FNDC3A: variants seen among roughly 807,000 people sequenced by gnomAD.
FNDC3A encodes the protein fibronectin type-III domain-containing protein 3A.
FNDC3A carries 32 observed loss-of-function variants against 148.9 expected under a neutral mutation model. The ratio of observed to expected loss-of-function variants is 0.21; its 90% confidence interval spans 0.16 to 0.29. FNDC3A has a LOEUF of 0.29. Ranked by LOEUF, FNDC3A falls within the 10% of genes least tolerant of loss-of-function variation. FNDC3A has a pLI of 1.00. For missense variants in FNDC3A, 1,191 were observed against 1,452.8 expected (o/e 0.82, Z 2.93); for synonymous variants, 472 against 473.6 (o/e 1.00, Z 0.04).
At position 49,141,164 on chromosome 13, in the gene FNDC3A, G is replaced by T. The variant is rs1368847837; in HGVS notation, c.819+2359G>T. On this transcript the variant is annotated intron_variant, in intron 7 of 25. Coordinates refer to ENST00000492622, the MANE Select transcript of FNDC3A (RefSeq NM_001079673.2). ...ACCCATGACAAGTCACTTGACCTTTGTGAATGTTTCTTCTTTCAGAAAATG... is the reference window on the plus strand; with the variant it reads ...ACCCATGACAAGTCACTTGACCTTTTTGAATGTTTCTTCTTTCAGAAAATG... Among the ~76,000 whole-genome samples the T allele has an allele frequency of 2.0e-5, 3 of 152,296 alleles. No individual in the cohort carries two copies. In the South Asian group the frequency reaches 6.2e-4, roughly 32 times the overall value.
intron 2 of FNDC3A, among the ~76,000 whole-genome samples, chr13:49,030,982 A>C (rs144291033): frequency 6.6e-6 from 1 of 152,200 alleles, no homozygotes; most frequent in African/African-American, 2.4e-5. Context: ...ACTTCTTTGT[A>C]GCTATTAACA....
intron 17 of FNDC3A, among the ~76,000 whole-genome samples, chr13:49,190,461 C>G (rs931142168): frequency 6.6e-6 from 1 of 152,136 alleles, no homozygotes; most frequent in African/African-American, 2.4e-5. Flanking sequence ...AGGCTGTAAT[C>G]ATACCTGTGA....
chr13:49,197,947 G>T (rs771087120), intron 21 of FNDC3A, 35 bp from the exon 22 acceptor site: 1 of 1,598,394 alleles, frequency 6.3e-7, no homozygotes, highest in South Asian at 1.1e-5. Flanking sequence ...TCATGGTCAT[G>T]ACTTTGTTAA....
intron 2 of FNDC3A, among the ~76,000 whole-genome samples, chr13:49,052,641 G>A (rs1469422612): frequency 1.3e-5 from 2 of 152,182 alleles, no homozygotes; most frequent in Admixed American, 6.5e-5. Flanking sequence ...TGCTGGTTTT[G>A]TGTTGGTTGG....
intron 3 of FNDC3A, among the ~76,000 whole-genome samples, chr13:49,113,644 C>A (rs1224831694): frequency 6.6e-6 from 1 of 152,096 alleles, no homozygotes; most frequent in African/African-American, 2.4e-5. Context: ...AGATCCTTCC[C>A]CCTTTACATT....
chr13:48,987,543 C>G (rs1951828487), intron 1 of FNDC3A, among the ~76,000 whole-genome samples: 1 of 152,150 alleles, frequency 6.6e-6, no homozygotes, highest in Non-Finnish European at 1.5e-5. Flanking sequence ...AGGATGGTGG[C>G]TTGAATGCCC....
chr13:49,205,518 AAAGGAAATGCTCATTGGAGCATTT>A (rs2138146399), intron 25 of FNDC3A, among the ~76,000 whole-genome samples: 1 of 152,318 alleles, frequency 6.6e-6, no homozygotes, highest in South Asian at 2.1e-4. Context: ...TATGACACTC[AAAGGAAATGCTCATTGGAGCATTT>A]CCAATTTCAG....
chr13:49,010,855 C>G (rs537619636), intron 2 of FNDC3A, among the ~76,000 whole-genome samples: 1 of 152,320 alleles, frequency 6.6e-6, no homozygotes, highest in South Asian at 2.1e-4. Flanking sequence ...TACAACAATA[C>G]TGTAGTTTTG....
chr13:48,997,971 A>G (rs191735737), intron 1 of FNDC3A, among the ~76,000 whole-genome samples: 36 of 152,110 alleles, frequency 2.4e-4, no homozygotes, highest in African/African-American at 6.5e-4. Flanking sequence ...GCTCACAGAG[A>G]AAAAAGGAGA....
chr13:49,152,191 C>T (rs765880232), intron 8 of FNDC3A, among the ~76,000 whole-genome samples: 6 of 152,180 alleles, frequency 3.9e-5, no homozygotes, highest in Non-Finnish European at 7.4e-5. Flanking sequence ...ACACTACCAC[C>T]AACAGTGTAA....
chr13:49,113,570 CCTTT>C (rs1459603613), intron 3 of FNDC3A, among the ~76,000 whole-genome samples: 1 of 152,104 alleles, frequency 6.6e-6, no homozygotes, highest in East Asian at 1.9e-4. Context: ...AGCTTTTCCT[CCTTT>C]ATTTCTTTTA....
At chr13:49,095,391 C>A (rs1004571925) in intron 3 of FNDC3A, 1 of 151,896 alleles carries the variant, frequency 6.6e-6, no homozygotes, top group Non-Finnish European at 1.5e-5. Flanking sequence ...ATAAGAAACC[C>A]GCTGGTCCAA....
chr13:49,167,081 A>T (rs1884505498), intron 8 of FNDC3A, among the ~76,000 whole-genome samples, 163 bp from the exon 9 acceptor site: 1 of 152,264 alleles, frequency 6.6e-6, no homozygotes, highest in South Asian at 2.1e-4. Flanking sequence ...AGTTTGTTAC[A>T]TATCCTAACT....
intron 8 of FNDC3A, among the ~76,000 whole-genome samples, chr13:49,166,658 G>C (rs1023119019): frequency 6.6e-6 from 1 of 152,016 alleles, no homozygotes; most frequent in African/African-American, 2.4e-5. Flanking sequence ...TACCACTGGG[G>C]GTCACTTACT....
chr13:48,993,037 A>G (rs889287292), intron 1 of FNDC3A, among the ~76,000 whole-genome samples: 2 of 152,184 alleles, frequency 1.3e-5, no homozygotes, highest in Non-Finnish European at 2.9e-5. Context: ...TGATTTGACC[A>G]TAATATCCAA....
At chr13:49,141,631 TA>T in intron 7 of FNDC3A, among the ~76,000 whole-genome samples, 1 of 152,316 alleles carries the variant, frequency 6.6e-6, no homozygotes, top group South Asian at 2.1e-4. Flanking sequence ...AAAATTCATG[TA>T]ATATATATGG....
At chr13:49,102,553 A>G (rs2137842010) in intron 3 of FNDC3A, among the ~76,000 whole-genome samples, 1 of 152,244 alleles carries the variant, frequency 6.6e-6, no homozygotes, top group Middle Eastern at 3.4e-3. Context: ...TACCCTTACT[A>G]TTCTCCCATT....
chr13:49,069,878 A>G (rs1256445904), intron 2 of FNDC3A, among the ~76,000 whole-genome samples: 1 of 152,252 alleles, frequency 6.6e-6, no homozygotes, highest in Non-Finnish European at 1.5e-5. Context: ...TGAGTGAGAT[A>G]GGCCAGAATA....
chr13:49,163,153 A>G (rs895756163), intron 8 of FNDC3A, among the ~76,000 whole-genome samples: 3 of 151,880 alleles, frequency 2.0e-5, no homozygotes, highest in African/African-American at 4.8e-5. Context: ...GAGAACCACT[A>G]CTCTCCTCAA....
Sources: allele counts gnomAD v4.1 joint callset (sites outside exome capture counted in the v4.1 genomes callset), GRCh38; gene constraint gnomAD v4.1.1; transcripts MANE v1.5; gene names NCBI Gene and HGNC (gene_info 2026-07-23, HGNC 2026-07-21).